The following ITGB2 variants were observed in gnomAD, a reference collection of about 807,000 sequenced individuals.
ITGB2 encodes the protein integrin subunit beta 2.
Under a neutral mutation model 86.8 loss-of-function variants are expected in ITGB2, and 56 were observed. The ratio of observed to expected loss-of-function variants is 0.65; its 90% confidence interval spans 0.52 to 0.81. The LOEUF (loss-of-function observed/expected upper bound fraction) is 0.81, where lower values mean the gene tolerates loss of function less well. Ranked by LOEUF, ITGB2 falls within the 30% of genes least tolerant of loss-of-function variation. ITGB2 has a pLI of 0.00. For synonymous variants in ITGB2, 457 were observed against 450.4 expected (o/e 1.01, Z -0.19); for missense variants, 948 against 1,061.2 (o/e 0.89, Z 1.48).
At chr21:44,889,146 T>C in intron 13 of ITGB2, 130 bp downstream of exon 13, 2 of 902,992 alleles carry the variant, frequency 2.2e-6, no homozygotes, top group African/African-American at 1.6e-5. Context: ...GGCCCCTCAG[T>C]CCAGACGCAC....
intron 14 of ITGB2, among the ~76,000 whole-genome samples, chr21:44,887,544 C>T (rs2083717045): frequency 6.6e-6 from 1 of 151,902 alleles, no homozygotes. Context: ...CTGACCTGCA[C>T]CCTCACTCCC....
At chr21:44,901,120 C>T (rs760464) in intron 6 of ITGB2, among the ~76,000 whole-genome samples, 17 of 151,896 alleles carry the variant, frequency 1.1e-4, no homozygotes, top group Non-Finnish European at 1.6e-4. Flanking sequence ...GGGCAGCCAG[C>T]GCCCACCCGG....
chr21:44,905,903 T>G (rs909463909), intron 4 of ITGB2, among the ~76,000 whole-genome samples: 2 of 152,094 alleles, frequency 1.3e-5, no homozygotes, highest in African/African-American at 4.8e-5. Context: ...GACCTGGGCT[T>G]CCCCTGAGGG....
At chr21:44,917,825 G>A (rs935183985) in intron 1 of ITGB2, among the ~76,000 whole-genome samples, 3 of 152,202 alleles carry the variant, frequency 2.0e-5, no homozygotes, top group African/African-American at 2.4e-5. Context: ...AGCTGGGCAG[G>A]AAGGTGTTCC....
chr21:44,917,654 G>A (rs114125722), intron 1 of ITGB2, among the ~76,000 whole-genome samples: 75 of 152,156 alleles, frequency 4.9e-4, no homozygotes, highest in African/African-American at 1.4e-3. Context: ...TAGGCACGGC[G>A]CAGGGGCTGA....
At chr21:44,910,918 C>A in intron 1 of ITGB2, 133 bp from the exon 2 acceptor site, 1 of 839,890 alleles carries the variant, frequency 1.2e-6, no homozygotes, top group Non-Finnish European at 1.9e-6. Flanking sequence ...GGGTTAGGGT[C>A]AGGCCAGCAC....
chr21:44,886,231 C>T lies in ITGB2; in HGVS notation c.*137G>A. Reference sequence around the variant, plus strand: ...CCCAGAAGCACCCGGCCGGCCATGGCTGTCATTTTGAGGGCGGAAAATAAC... The same window carrying T: ...CCCAGAAGCACCCGGCCGGCCATGGTTGTCATTTTGAGGGCGGAAAATAAC... On this transcript the variant is annotated 3_prime_UTR_variant, in exon 16 of 16. Coordinates refer to ENST00000652462, the MANE Select transcript of ITGB2 (RefSeq NM_000211.5). The T allele has an allele frequency of 1.1e-6, 1 of 873,578 alleles. No homozygotes were observed. The highest frequency in any genetic ancestry group is 1.9e-6 in the Non-Finnish European group (1 of 520,364). 54.1% of individuals were successfully genotyped at this position (873,578 alleles called of 1,614,324 possible).
At chr21:44,893,236 G>T in intron 10 of ITGB2, 168 bp downstream of exon 10, 1 of 719,868 alleles carries the variant, frequency 1.4e-6, no homozygotes, top group Non-Finnish European at 2.4e-6. Context: ...AGCCTCTGAT[G>T]CCTGTGTGCC....
At chr21:44,921,591 AGAGGAGGAG>A (rs913217660), upstream of ITGB2, among the ~76,000 whole-genome samples, 1 of 151,952 alleles carries the variant, frequency 6.6e-6, no homozygotes, top group Admixed American at 6.6e-5. Context: ...GAGAGAAGGG[AGAGGAGGAG>A]GAGGAGGAAG....
intron 1 of ITGB2, chr21:44,928,427 G>A (rs1469224266): frequency 6.6e-6 from 1 of 152,364 alleles, no homozygotes; most frequent in East Asian, 1.9e-4. Context: ...CAATTGCATG[G>A]TCAGAGAGAG....
intron 1 of ITGB2, among the ~76,000 whole-genome samples, chr21:44,912,323 C>A (rs1319790008): frequency 6.6e-6 from 1 of 152,166 alleles, no homozygotes; most frequent in Non-Finnish European, 1.5e-5. Context: ...CAGGCCCTGG[C>A]TCCCCTCCAT....
rs796481493 is a variant in ITGB2, at chr21:44,928,738, T to A, written c.-88A>T. 2.3e-5 allele frequency: 4 copies of A among 171,892 alleles called. No homozygotes were observed. The South Asian group carries it at 4.3e-4, about 19-fold the overall frequency. The allele number at this position is 171,892 out of a possible 1,614,324, so 10.6% of individuals were successfully genotyped here. A position where few individuals can be genotyped will look rare whatever the true frequency, so the allele number is the denominator to read the frequency against. ...CTTTCTGATACTTGACATATTTCTTTTCCCGTTCAATTCATGGTTTCTGCC... is the reference window on the plus strand; with the variant it reads ...CTTTCTGATACTTGACATATTTCTTATCCCGTTCAATTCATGGTTTCTGCC... On this transcript the variant is annotated 5_prime_UTR_variant, in exon 1 of 16. Transcript: ENST00000355153.
Position 44,889,082 on chromosome 21 carries a change from G to A in ITGB2, c.1878-187C>T, listed in dbSNP as rs567450222. 3.2e-4 allele frequency: 227 copies of A among 698,540 alleles called. 2 individuals are homozygous for A. The highest frequency in any genetic ancestry group is 2.2e-3 in the South Asian group (128 of 57,940). The allele number at this position is 698,540 out of a possible 1,614,324, so 43.3% of individuals were successfully genotyped here. ...AACTGGAAGCCTGATCCCAGGGCCCGCGGCAGGTGCGCACAGGAGGGAGGA... is the reference window on the plus strand; with the variant it reads ...AACTGGAAGCCTGATCCCAGGGCCCACGGCAGGTGCGCACAGGAGGGAGGA... On this transcript the variant is annotated intron_variant, in intron 13 of 15. Transcript: ENST00000652462.
rs1174189471 is a variant in ITGB2, at chr21:44,918,010, C to T, written c.-4+2811G>A. ...CAAATGCAACCACCTAATCAATGCC[C>T]CGTGTCAGTGCCAGTTTGTGCCAAG... On this transcript the variant is annotated intron_variant, in intron 1 of 15. Coordinates refer to ENST00000652462, the MANE Select transcript of ITGB2 (RefSeq NM_000211.5). Among the ~76,000 whole-genome samples the T allele has an allele frequency of 2.0e-5, 3 of 152,222 alleles. No individual in the cohort carries two copies. In the East Asian group the frequency reaches 5.8e-4, roughly 29 times the overall value.
chr21:44,912,439 G>T (rs1168096039), intron 1 of ITGB2, among the ~76,000 whole-genome samples: 1 of 152,222 alleles, frequency 6.6e-6, no homozygotes, highest in Non-Finnish European at 1.5e-5. Flanking sequence ...AAGCCCCAAG[G>T]TCCTGTTGTT....
intron 7 of ITGB2, among the ~76,000 whole-genome samples, chr21:44,899,365 C>T (rs2083914215): frequency 6.6e-6 from 1 of 152,242 alleles, no homozygotes; most frequent in Non-Finnish European, 1.5e-5. Flanking sequence ...TAGACTCGGG[C>T]TTTCAGAGTC....
At chr21:44,907,406 C>T (rs1223043230) in intron 3 of ITGB2, among the ~76,000 whole-genome samples, 2 of 152,254 alleles carry the variant, frequency 1.3e-5, no homozygotes, top group Non-Finnish European at 2.9e-5. Flanking sequence ...TCAGCGTCCT[C>T]TAGCAGCTGG....
intron 6 of ITGB2, 146 bp from the exon 7 acceptor site, chr21:44,900,621 G>T: frequency 2.1e-6 from 2 of 971,110 alleles, no homozygotes; most frequent in Non-Finnish European, 3.1e-6. Flanking sequence ...GGACCCAGCT[G>T]TGTTCCCCCA....
At chr21:44,919,116 C>A (rs148294405) in intron 1 of ITGB2, among the ~76,000 whole-genome samples, 1 of 152,010 alleles carries the variant, frequency 6.6e-6, no homozygotes, top group Admixed American at 6.6e-5. Flanking sequence ...CCCCACAGCC[C>A]GCCCGGTCAC....
Sources: allele counts gnomAD v4.1 joint callset (sites outside exome capture counted in the v4.1 genomes callset), GRCh38; gene constraint gnomAD v4.1.1; transcripts MANE v1.5; gene names NCBI Gene and HGNC (gene_info 2026-07-23, HGNC 2026-07-21).